The following CSMD1 variants were observed in gnomAD, a reference collection of about 807,000 sequenced individuals.
The protein encoded by CSMD1 is CUB and Sushi multiple domains 1.
Under a neutral mutation model 417.5 loss-of-function variants are expected in CSMD1, and 213 were observed. That is an observed-to-expected ratio of 0.51 (90% CI 0.46 to 0.57). The LOEUF (loss-of-function observed/expected upper bound fraction) is 0.57, where lower values mean the gene tolerates loss of function less well. CSMD1 is among the 20% of genes least tolerant of loss of function. The probability of loss-of-function intolerance (pLI) is 0.00; values close to 1 mark genes in which losing one functional copy is unlikely to be tolerated. For synonymous variants in CSMD1, 2,862 were observed against 1,736.8 expected, an observed-to-expected ratio of 1.65 and a Z score of -16.11; for missense variants, 6,923 against 4,529.7, an observed-to-expected ratio of 1.53 and a Z score of -15.17.
chr8:4,414,240 C>T (rs1268494691), intron 3 of CSMD1, among the ~76,000 whole-genome samples: 1 of 152,092 alleles, frequency 6.6e-6, no homozygotes, highest in Non-Finnish European at 1.5e-5. Context: ...AGGGATGTGT[C>T]AGAGGGAAAT....
intron 40 of CSMD1, among the ~76,000 whole-genome samples, chr8:3,149,705 T>G (rs1159407563): frequency 6.6e-6 from 1 of 152,182 alleles, no homozygotes; most frequent in Non-Finnish European, 1.5e-5. Flanking sequence ...CTCGATCTCC[T>G]GACCTTGCGA....
At chr8:3,941,512 T>G (rs980011083) in intron 5 of CSMD1, among the ~76,000 whole-genome samples, 1 of 152,216 alleles carries the variant, frequency 6.6e-6, no homozygotes, top group Non-Finnish European at 1.5e-5. Context: ...AGCTTTGATT[T>G]AAATGTGCTT....
At chr8:4,000,441 C>T (rs894763598) in intron 4 of CSMD1, among the ~76,000 whole-genome samples, 3 of 152,212 alleles carry the variant, frequency 2.0e-5, no homozygotes, top group African/African-American at 7.2e-5. Flanking sequence ...AGAGGAAGAA[C>T]ATATTCCAGC....
chr8:3,101,116 G>A (rs567472562), intron 46 of CSMD1, among the ~76,000 whole-genome samples: 2 of 150,732 alleles, frequency 1.3e-5, no homozygotes, highest in African/African-American at 4.9e-5. Context: ...ATCCCCCAAG[G>A]TCCACAGGAT....
chr8:4,525,724 C>G (rs1796479840), intron 2 of CSMD1, among the ~76,000 whole-genome samples: 1 of 152,136 alleles, frequency 6.6e-6, no homozygotes, highest in African/African-American at 2.4e-5. Context: ...GGTCAGGTGT[C>G]ACCTCGTCAT....
intron 4 of CSMD1, among the ~76,000 whole-genome samples, chr8:4,030,195 G>A (rs1220886286): frequency 6.9e-3 from 1 of 144 alleles, no homozygotes; most frequent in African/African-American, 0.026. Flanking sequence ...TCTTCTCACA[G>A]CTCAACTAGG....
chr8:3,309,799 TCTTAA>T (rs1358406660), intron 23 of CSMD1, among the ~76,000 whole-genome samples: 1 of 152,204 alleles, frequency 6.6e-6, no homozygotes, highest in Non-Finnish European at 1.5e-5. Flanking sequence ...GAAAATGTAT[TCTTAA>T]CTTCACAATA....
rs557604118 is a variant in CSMD1, at chr8:4,484,347, G to A, written c.303-64282C>T. ...GATTTAAAAAATTTTAACATTGAGAGAAAGAGAAAGGTGGGGTTTACTTAC... is the reference window on the plus strand; with the variant it reads ...GATTTAAAAAATTTTAACATTGAGAAAAAGAGAAAGGTGGGGTTTACTTAC... On this transcript the variant is annotated intron_variant, in intron 2 of 69. Coordinates refer to ENST00000635120, the MANE Select transcript of CSMD1 (RefSeq NM_033225.6). 3.4e-4 allele frequency among the ~76,000 whole-genome samples: 51 copies of A among 152,188 alleles called. No individual in the cohort carries two copies. The South Asian group carries it at 1.0e-2, about 30-fold the overall frequency.
intron 3 of CSMD1, among the ~76,000 whole-genome samples, chr8:4,291,194 T>C (rs1413802254): frequency 6.6e-6 from 1 of 152,144 alleles, no homozygotes; most frequent in Non-Finnish European, 1.5e-5. Context: ...TATACATTAT[T>C]GGTATTTTAA....
At chr8:3,955,770 G>C (rs762664826) in intron 5 of CSMD1, among the ~76,000 whole-genome samples, 2 of 152,226 alleles carry the variant, frequency 1.3e-5, no homozygotes, top group South Asian at 4.1e-4. Flanking sequence ...TAGAAACCCA[G>C]TGAATTAATA....
chr8:4,113,256 A>C (rs1801953974), intron 3 of CSMD1, among the ~76,000 whole-genome samples: 1 of 152,158 alleles, frequency 6.6e-6, no homozygotes, highest in South Asian at 2.1e-4. Flanking sequence ...AAAGGACTGC[A>C]CATCTCTCAT....
chr8:3,261,703 C>G (rs571084353), intron 26 of CSMD1, among the ~76,000 whole-genome samples: 1 of 152,126 alleles, frequency 6.6e-6, no homozygotes, highest in East Asian at 1.9e-4. Context: ...ACAAGCCGGC[C>G]CCATCAGCAC....
intron 12 of CSMD1, among the ~76,000 whole-genome samples, chr8:3,463,015 C>A (rs1420812137): frequency 1.3e-5 from 2 of 152,198 alleles, no homozygotes; most frequent in Non-Finnish European, 2.9e-5. Flanking sequence ...AGTGAGAAGG[C>A]GCCATCTATG....
At chr8:3,567,852 C>T (rs1343524919) in intron 10 of CSMD1, among the ~76,000 whole-genome samples, 4 of 152,132 alleles carry the variant, frequency 2.6e-5, no homozygotes, top group African/African-American at 9.7e-5. Flanking sequence ...TCTGCTTTCT[C>T]ATTATATAGT....
At chr8:4,274,005 T>G (rs182086574) in intron 3 of CSMD1, among the ~76,000 whole-genome samples, 1 of 152,276 alleles carries the variant, frequency 6.6e-6, no homozygotes, top group East Asian at 1.9e-4. Flanking sequence ...CCGCATGCAT[T>G]TTTTCAGCAT....
At chr8:4,210,880 C>A (rs1030603611) in intron 3 of CSMD1, among the ~76,000 whole-genome samples, 1 of 151,960 alleles carries the variant, frequency 6.6e-6, no homozygotes, top group African/African-American at 2.4e-5. Flanking sequence ...CTTCTTGGTC[C>A]CTCAGACCAT....
chr8:3,503,305 C>G (rs1337227933), intron 10 of CSMD1, among the ~76,000 whole-genome samples: 1 of 152,194 alleles, frequency 6.6e-6, no homozygotes, highest in East Asian at 1.9e-4. Context: ...TTATAAACTA[C>G]AATTCAATGC....
chr8:4,735,742 G>A (rs1810192647), intron 1 of CSMD1, among the ~76,000 whole-genome samples: 2 of 152,184 alleles, frequency 1.3e-5, no homozygotes, highest in Middle Eastern at 6.8e-3. Flanking sequence ...TAAGAGAAAA[G>A]GACTGTTAGT....
At chr8:3,779,876 A>T (rs1026496176) in intron 5 of CSMD1, among the ~76,000 whole-genome samples, 2 of 152,180 alleles carry the variant, frequency 1.3e-5, no homozygotes, top group African/African-American at 2.4e-5. Context: ...TTGAAAATTT[A>T]GTTTCATTTA....
Sources: gnomAD v4.1 joint callset for allele counts (sites outside exome capture counted in the v4.1 genomes callset) on GRCh38, gnomAD v4.1.1 for gene constraint, MANE v1.5 for transcripts, NCBI Gene and HGNC (gene_info 2026-07-23, HGNC 2026-07-21) for gene names.